Variants in INTS6 observed in about 807,000 individuals in gnomAD.
INTS6 encodes integrator complex subunit 6.
Under a neutral mutation model 104.9 loss-of-function variants are expected in INTS6, and 16 were observed. The observed-to-expected ratio is 0.15, with a 90% CI of 0.10 to 0.23. The LOEUF is 0.23. INTS6 is among the 10% of genes least tolerant of loss of function. INTS6 has a pLI of 1.00. For missense variants in INTS6, 584 were observed against 1,062.8 expected, an observed-to-expected ratio of 0.55 and a Z score of 6.26; for synonymous variants, 324 against 358.7, an observed-to-expected ratio of 0.90 and a Z score of 1.09.
At chr13:51,343,561 C>A in the INTS6 span, among the ~76,000 whole-genome samples, 18 of 152,230 alleles carry the variant, frequency 1.2e-4, no homozygotes, top group Admixed American at 1.2e-3. Flanking sequence ...GCTATCGACT[C>A]CCTCAAATGC....
Position 51,367,196 on chromosome 13 carries a change from A to G in INTS6, c.2570+609T>C, listed in dbSNP as rs114906243. ...AATACTAATACAGTGTAAATACGAT[A>G]TGAATTAGACTGAATTATTTAGAAA... is the stretch of plus-strand genomic sequence containing the variant. On this transcript the variant is annotated intron_variant, in intron 17 of 17. Transcript: ENST00000311234. 6.0e-3 allele frequency among the ~76,000 whole-genome samples: 914 copies of G among 152,122 alleles called. 10 individuals carry two copies. Among genetic ancestry groups the G allele is most frequent in the African/African-American group, 0.021 (858 of 41,542 alleles).
intron 3 of INTS6, among the ~76,000 whole-genome samples, chr13:51,434,795 C>G (rs892214812): frequency 6.6e-6 from 1 of 152,014 alleles, no homozygotes; most frequent in Non-Finnish European, 1.5e-5. Context: ...TCTCTGTCAA[C>G]ATTGTTTACC....
chr13:51,427,815 C>T (rs570870623), intron 4 of INTS6, among the ~76,000 whole-genome samples: 1 of 152,212 alleles, frequency 6.6e-6, no homozygotes, highest in African/African-American at 2.4e-5. Context: ...CAATACTATG[C>T]TAGTATTGTA....
intron 13 of INTS6, among the ~76,000 whole-genome samples, chr13:51,375,673 T>G (rs1432481758): frequency 6.6e-6 from 1 of 152,136 alleles, no homozygotes. Context: ...ACTGGTATTA[T>G]CTCAAGAAAA....
chr13:51,389,130 G>A (rs1956200044), intron 6 of INTS6, among the ~76,000 whole-genome samples, 189 bp downstream of exon 6: 1 of 152,150 alleles, frequency 6.6e-6, no homozygotes, highest in Non-Finnish European at 1.5e-5. Context: ...AATACAAAAA[G>A]GTGATGCTAC....
At chr13:51,431,498 T>C (rs959694871) in intron 3 of INTS6, among the ~76,000 whole-genome samples, 5 of 152,198 alleles carry the variant, frequency 3.3e-5, no homozygotes, top group Non-Finnish European at 7.4e-5. Flanking sequence ...AACAAGAATG[T>C]AGAAGAGTTA....
At chr13:51,388,825 A>G (rs1422312584) in intron 6 of INTS6, among the ~76,000 whole-genome samples, 1 of 152,206 alleles carries the variant, frequency 6.6e-6, no homozygotes, top group Non-Finnish European at 1.5e-5. Context: ...AGCCAAGAAA[A>G]AGCCAGGTGG....
At chr13:51,433,015 C>T (rs925559378) in intron 3 of INTS6, among the ~76,000 whole-genome samples, 3 of 152,236 alleles carry the variant, frequency 2.0e-5, no homozygotes, top group Non-Finnish European at 4.4e-5. Context: ...TATTATCTTG[C>T]TTCCACCCTT....
intron 13 of INTS6, 49 bp downstream of exon 13, chr13:51,375,999 C>CTT (rs1955923295): frequency 6.7e-7 from 1 of 1,499,306 alleles, no homozygotes; most frequent in African/African-American, 1.4e-5. Context: ...CTTTTTCAGA[C>CTT]TATAAAGAAA....
At chr13:51,377,727 A>G (rs932454158) in intron 12 of INTS6, among the ~76,000 whole-genome samples, 9 of 152,152 alleles carry the variant, frequency 5.9e-5, no homozygotes, top group African/African-American at 2.2e-4. Flanking sequence ...AAGTTTTACA[A>G]TAAGTTTTAA....
At chr13:51,428,131 GCA>G (rs1170566895) in intron 4 of INTS6, among the ~76,000 whole-genome samples, 1 of 151,820 alleles carries the variant, frequency 6.6e-6, no homozygotes, top group Non-Finnish European at 1.5e-5. Flanking sequence ...GCATCACCTC[GCA>G]CATAAGAATA....
At position 51,365,290 on chromosome 13, in the gene INTS6, T is replaced by C. The variant is rs960471075; in HGVS notation, c.*462A>G. On this transcript the variant is annotated 3_prime_UTR_variant, in exon 18 of 18. Coordinates refer to ENST00000311234, the MANE Select transcript of INTS6 (RefSeq NM_012141.3). ...TTTCTTAAATATTCTTCAAAATACA[T>C]TTGTACAACTTACAATAATATATCC... 6.5e-6 allele frequency: 1 copy of C among 152,710 alleles called. No homozygotes were observed. Among genetic ancestry groups the C allele is most frequent in the African/African-American group, 2.4e-5 (1 of 41,454 alleles). 9.5% of individuals were successfully genotyped at this position (152,710 alleles called of 1,614,324 possible). A position where few individuals can be genotyped will look rare whatever the true frequency, so the allele number is the denominator to read the frequency against.
the INTS6 span, among the ~76,000 whole-genome samples, chr13:51,339,070 C>G: frequency 6.6e-6 from 1 of 152,200 alleles, no homozygotes; most frequent in Non-Finnish European, 1.5e-5. Context: ...AACATGGTCT[C>G]TTTCTCAAAT....
intron 11 of INTS6, among the ~76,000 whole-genome samples, 184 bp downstream of exon 11, chr13:51,379,275 TTAA>T (rs778049824): frequency 6.6e-6 from 1 of 151,976 alleles, no homozygotes; most frequent in Non-Finnish European, 1.5e-5. Flanking sequence ...AATTTTCAAA[TTAA>T]TGTTTCAAAA....
At chr13:51,352,798 T>C (rs1045752776), downstream of INTS6, among the ~76,000 whole-genome samples, 3 of 152,116 alleles carry the variant, frequency 2.0e-5, no homozygotes, top group Non-Finnish European at 4.4e-5. Context: ...TGTTTGTTTG[T>C]TTTTAGTCAT....
At chr13:51,344,196 G>A in the INTS6 span, 47 of 1,301,480 alleles carry the variant, frequency 3.6e-5, no homozygotes, top group Non-Finnish European at 5.0e-5. Context: ...TGGAGGTTGT[G>A]CTAACTCCTT....
At chr13:51,350,978 C>G (rs1478159739), downstream of INTS6, among the ~76,000 whole-genome samples, 2 of 152,106 alleles carry the variant, frequency 1.3e-5, no homozygotes, top group Non-Finnish European at 2.9e-5. Flanking sequence ...TCAATACTAT[C>G]TTCCTTTTTA....
intron 5 of INTS6, among the ~76,000 whole-genome samples, chr13:51,391,801 G>A (rs1318359895): frequency 6.6e-6 from 1 of 152,170 alleles, no homozygotes; most frequent in Admixed American, 6.5e-5. Context: ...GGCTAAGAAA[G>A]TTAAATGTAT....
chr13:51,363,428 CTTCA>C lies in INTS6; in HGVS notation c.*2320_*2323del, dbSNP rs1955622228. The C allele has an allele frequency of 6.6e-6, 1 of 151,782 alleles. No individual in the cohort carries two copies. 9.4% of individuals were successfully genotyped at this position (151,782 alleles called of 1,614,324 possible). ...GAAGAGTTTAGAAATGAGTCTCAGC[CTTCA>C]TTATTTCCAACTGACAAATCTTACT... On this transcript the variant is annotated 3_prime_UTR_variant, in exon 18 of 18. Transcript: ENST00000311234.
Sources: allele counts gnomAD v4.1 joint callset (sites outside exome capture counted in the v4.1 genomes callset), GRCh38; gene constraint gnomAD v4.1.1; transcripts MANE v1.5; gene names NCBI Gene and HGNC (gene_info 2026-07-23, HGNC 2026-07-21).